Variants in CTNNA2 observed in about 807,000 individuals in gnomAD.
CTNNA2 encodes catenin alpha 2.
CTNNA2 carries 42 observed loss-of-function variants against 101.0 expected under a neutral mutation model. The ratio of observed to expected loss-of-function variants is 0.42; its 90% CI spans 0.32 to 0.54. The LOEUF (loss-of-function observed/expected upper bound fraction) is 0.54, where lower values mean the gene tolerates loss of function less well. Among genes scored for constraint, CTNNA2 ranks in the 20% least tolerant of loss-of-function variants. The pLI is 0.14. For synonymous variants in CTNNA2, 450 were observed against 456.4 expected, an observed-to-expected ratio of 0.99 and a Z score of 0.18; for missense variants, 871 against 1,223.1, an observed-to-expected ratio of 0.71 and a Z score of 4.29.
intron 8 of CTNNA2, among the ~76,000 whole-genome samples, chr2:80,415,949 A>G (rs941526697): frequency 6.6e-6 from 1 of 152,184 alleles, no homozygotes; most frequent in African/African-American, 2.4e-5. Flanking sequence ...AGAAAGACAA[A>G]TACTGTATGG....
At chr2:79,881,813 C>G (rs2916507) in intron 6 of CTNNA2, among the ~76,000 whole-genome samples, 130,300 of 149,370 alleles carry the variant, frequency 0.87, 57,218 homozygotes, top group African/African-American at 0.97. Context: ...TAAATTTAAA[C>G]TTAGTATTGT....
chr2:80,633,105 G>C (rs1672468405), intron 18 of CTNNA2, among the ~76,000 whole-genome samples: 1 of 152,132 alleles, frequency 6.6e-6, no homozygotes, highest in African/African-American at 2.4e-5. Flanking sequence ...GCATGTTTCA[G>C]ATGGTATAGA....
At chr2:80,526,636 C>G (rs184697850) in intron 9 of CTNNA2, among the ~76,000 whole-genome samples, 2 of 152,130 alleles carry the variant, frequency 1.3e-5, no homozygotes, top group Non-Finnish European at 1.5e-5. Context: ...CCGGGCCTCT[C>G]TGTGCCTCAA....
chr2:79,791,238 A>G (rs1675244911), intron 3 of CTNNA2, among the ~76,000 whole-genome samples: 1 of 152,288 alleles, frequency 6.6e-6, no homozygotes, highest in South Asian at 2.1e-4. Flanking sequence ...ATGTTAACAG[A>G]GTGGGAGGTT....
At chr2:80,078,837 A>T (rs1376562465) in intron 7 of CTNNA2, among the ~76,000 whole-genome samples, 1 of 152,156 alleles carries the variant, frequency 6.6e-6, no homozygotes. Flanking sequence ...TTCTCCAGGC[A>T]TGTCTTATTC....
chr2:79,504,138 T>C (rs1221252020), intron 4 of CTNNA2, among the ~76,000 whole-genome samples: 2 of 152,102 alleles, frequency 1.3e-5, no homozygotes, highest in East Asian at 3.9e-4. Context: ...CAAAGTATCA[T>C]GGAATGGGTG....
chr2:80,007,700 A>G (rs1408195948), intron 7 of CTNNA2, among the ~76,000 whole-genome samples: 1 of 152,202 alleles, frequency 6.6e-6, no homozygotes, highest in African/African-American at 2.4e-5. Context: ...ATTAGAGATC[A>G]GATTTAGGAG....
chr2:80,142,224 C>T (rs1449146771), intron 7 of CTNNA2, among the ~76,000 whole-genome samples: 1 of 152,150 alleles, frequency 6.6e-6, no homozygotes, highest in African/African-American at 2.4e-5. Context: ...TATGACTTTG[C>T]CTGTAATGTC....
chr2:79,408,802 T>C (rs916169327), intron 4 of CTNNA2, among the ~76,000 whole-genome samples: 5 of 152,052 alleles, frequency 3.3e-5, no homozygotes, highest in Admixed American at 2.0e-4. Flanking sequence ...TAGAGTCCTT[T>C]GGGTATATAC....
At chr2:79,785,418 A>C (rs546176960) in intron 3 of CTNNA2, among the ~76,000 whole-genome samples, 1 of 152,120 alleles carries the variant, frequency 6.6e-6, no homozygotes, top group East Asian at 1.9e-4. Flanking sequence ...TCTGTCCCTA[A>C]ATGCATTTAG....
At chr2:79,340,643 C>T (rs184869405) in intron 3 of CTNNA2, among the ~76,000 whole-genome samples, 1 of 151,970 alleles carries the variant, frequency 6.6e-6, no homozygotes, top group Non-Finnish European at 1.5e-5. Context: ...ACCGTCCTGG[C>T]TAACACGGTG....
At chr2:79,617,331 C>T (rs1052750704) in intron 1 of CTNNA2, among the ~76,000 whole-genome samples, 5 of 151,882 alleles carry the variant, frequency 3.3e-5, no homozygotes, top group Non-Finnish European at 7.4e-5. Flanking sequence ...CAGGAAATAC[C>T]TTATCAATAT....
At chr2:79,240,157 C>T (rs1362403792) in intron 2 of CTNNA2, among the ~76,000 whole-genome samples, 1 of 151,936 alleles carries the variant, frequency 6.6e-6, no homozygotes, top group Non-Finnish European at 1.5e-5. Flanking sequence ...ACCCACCCAC[C>T]TCAGCCTCCT....
At chr2:79,639,932 T>TTGTGTGTGTG (rs60058512) in intron 1 of CTNNA2, among the ~76,000 whole-genome samples, 3 of 145,120 alleles carry the variant, frequency 2.1e-5, no homozygotes, top group African/African-American at 5.1e-5. Context: ...TTAACTATAA[T>TTGTGTGTGTG]TGTGTGTGTG....
At chr2:80,186,721 G>C (rs992881535) in intron 7 of CTNNA2, among the ~76,000 whole-genome samples, 1 of 152,104 alleles carries the variant, frequency 6.6e-6, no homozygotes, top group South Asian at 2.1e-4. Flanking sequence ...CTTCTTTATA[G>C]TTCTTATGAG....
intron 7 of CTNNA2, among the ~76,000 whole-genome samples, chr2:80,170,229 CTCTGTGTG>C (rs1387664844): frequency 6.0e-5 from 9 of 149,408 alleles, no homozygotes; most frequent in African/African-American, 2.3e-4. Flanking sequence ...CTCTCTCTCT[CTCTGTGTG>C]TGTGTGTGTG....
At chr2:79,195,695 A>G in intron 1 of CTNNA2, 1 of 401,796 alleles carries the variant, frequency 2.5e-6, no homozygotes, top group Non-Finnish European at 4.9e-6. Context: ...TATCCCTTCC[A>G]TCCACTACTT....
intron 3 of CTNNA2, among the ~76,000 whole-genome samples, chr2:79,831,685 C>T (rs1678939017): frequency 6.7e-6 from 1 of 149,930 alleles, no homozygotes; most frequent in Non-Finnish European, 1.5e-5. Flanking sequence ...TTCCAATTCC[C>T]GCTGTCATTT....
intron 7 of CTNNA2, among the ~76,000 whole-genome samples, chr2:80,217,961 T>C (rs1391103595): frequency 6.6e-6 from 1 of 152,258 alleles, no homozygotes; most frequent in Non-Finnish European, 1.5e-5. Context: ...TATCACAGGT[T>C]AATAACTCAT....
Sources: gnomAD v4.1 joint callset for allele counts (sites outside exome capture counted in the v4.1 genomes callset) on GRCh38, gnomAD v4.1.1 for gene constraint, MANE v1.5 for transcripts, NCBI Gene and HGNC (gene_info 2026-07-23, HGNC 2026-07-21) for gene names.